The following TRPM1 variants were observed in gnomAD, a reference collection of about 807,000 sequenced individuals.
TRPM1 encodes the protein TRPM1-203 APA Isoform, Intron 10.
A neutral mutation model predicts 149.4 loss-of-function variants in TRPM1; 113 were observed. That is an observed-to-expected ratio of 0.76 (90% CI 0.65 to 0.88). The LOEUF (loss-of-function observed/expected upper bound fraction) is 0.88, where lower values mean the gene tolerates loss of function less well. Among genes scored for constraint, TRPM1 ranks in the 40% least tolerant of loss-of-function variants. The probability of loss-of-function intolerance (pLI) is 0.00; values close to 1 mark genes in which losing one functional copy is unlikely to be tolerated. For synonymous variants in TRPM1, 741 were observed against 759.5 expected (o/e 0.98, Z 0.40); for missense variants, 1,976 against 2,038.7 (o/e 0.97, Z 0.59).
chr15:31,058,608 G>T (rs149797809), intron 11 of TRPM1, among the ~76,000 whole-genome samples: 1 of 152,316 alleles, frequency 6.6e-6, no homozygotes, highest in East Asian at 1.9e-4. Flanking sequence ...ATATGTACAT[G>T]TTCATCATGT....
rs761585763 is a variant in TRPM1, at chr15:31,032,669, C to G, written c.2952+20G>C. On this transcript the variant is annotated intron_variant, in intron 22 of 27. Coordinates refer to ENST00000256552, the MANE Select transcript of TRPM1 (RefSeq NM_001252024.2). The stretch of plus-strand genomic sequence containing the variant: ...TACAGCCAAAGTCTCTCTGGATACC[C>G]ACAGGATGCCACTACTAACCATCTT... 8.7e-6 allele frequency: 14 copies of G among 1,614,046 alleles called. No individual in the cohort carries two copies. The highest frequency in any genetic ancestry group is 1.2e-5 in the Non-Finnish European group (14 of 1,180,028).
intron 1 of TRPM1, among the ~76,000 whole-genome samples, chr15:31,088,652 A>G (rs1329828456): frequency 6.6e-6 from 1 of 152,200 alleles, no homozygotes; most frequent in Non-Finnish European, 1.5e-5. Flanking sequence ...GACATGCCAC[A>G]CTCACGGACT....
intron 23 of TRPM1, 65 bp downstream of exon 23, chr15:31,030,918 A>T: frequency 6.4e-7 from 1 of 1,569,492 alleles, no homozygotes; most frequent in Non-Finnish European, 8.8e-7. Flanking sequence ...TTCTTCCATT[A>T]ATTTGGAACT....
chr15:31,124,271 T>A (rs1190049742), intron 1 of TRPM1, among the ~76,000 whole-genome samples: 1 of 150,914 alleles, frequency 6.6e-6, no homozygotes, highest in South Asian at 2.1e-4. Context: ...GATGACAGAG[T>A]GAGACTCCGT....
At chr15:31,083,115 G>A (rs2034906078) in intron 1 of TRPM1, among the ~76,000 whole-genome samples, 1 of 152,186 alleles carries the variant, frequency 6.6e-6, no homozygotes, top group African/African-American at 2.4e-5. Context: ...GCTTCTGAAT[G>A]TAAGAGCTGG....
intron 22 of TRPM1, among the ~76,000 whole-genome samples, chr15:31,032,296 AAAAC>A (rs1414096668): frequency 6.6e-6 from 1 of 152,148 alleles, no homozygotes; most frequent in Non-Finnish European, 1.5e-5. Context: ...GAAGGAATAA[AAAAC>A]AAACGTAATT....
At chr15:31,047,022 G>T in intron 15 of TRPM1, 89 bp downstream of exon 15, 1 of 1,571,914 alleles carries the variant, frequency 6.4e-7, no homozygotes, top group Non-Finnish European at 8.8e-7. Context: ...GAAGGGCTTG[G>T]CTCTGAACCG....
intron 1 of TRPM1, among the ~76,000 whole-genome samples, chr15:31,151,298 G>A (rs16956588): frequency 0.011 from 1,695 of 152,240 alleles, 34 homozygotes; most frequent in African/African-American, 0.039. Flanking sequence ...CCAACTGGTC[G>A]GAGATTTTTA....
rs565118048 is a variant in TRPM1 at position 31,146,717 on chromosome 15, T to C, written c.54+14189A>G. Among the ~76,000 whole-genome samples the C allele has an allele frequency of 1.1e-3, 175 of 152,362 alleles. 1 individual carries two copies. Among genetic ancestry groups the C allele is most frequent in the African/African-American group, 3.8e-3 (160 of 41,586 alleles). On this transcript the variant is annotated intron_variant, in intron 1 of 26. Transcript: ENST00000542188. ...ATGACCAATTCAAGGCCGGGTGCGG[T>C]GGCTCACGCCTGTATTCCCAGCACT...
chr15:31,027,959 A>G (rs2032863896), intron 25 of TRPM1, among the ~76,000 whole-genome samples: 1 of 152,210 alleles, frequency 6.6e-6, no homozygotes, highest in African/African-American at 2.4e-5. Flanking sequence ...TATTACAGTA[A>G]TTGTAACAGC....
Position 31,042,181 on chromosome 15 carries a change from G to A in TRPM1, c.1857C>T (p.Asp619=), listed in dbSNP as rs1233209049. 4 of 1,613,788 alleles carry A rather than the reference G, an allele frequency of 2.5e-6. No individual in the cohort carries two copies. In the South Asian group the frequency reaches 3.3e-5, roughly 13 times the overall value. ...TCACGGCAGGGTCGTCCACATCAAT[G>A]TCGATCTCTTCCTCCTTTTTCTTCT... ...KKKKKKEEEI[D]IDVDDPAVSR... is the part of the protein sequence containing the mutation. The change falls in exon 17 of 28, where the codon GAC becomes GAT. Residue 619 remains aspartate, a synonymous_variant. Coordinates refer to ENST00000256552, the MANE Select transcript of TRPM1 (RefSeq NM_001252024.2).
chr15:31,075,241 A>G (rs1306926016), intron 3 of TRPM1, among the ~76,000 whole-genome samples: 1 of 152,218 alleles, frequency 6.6e-6, no homozygotes, highest in African/African-American at 2.4e-5. Context: ...TCTTCTGTTT[A>G]GGTGATCTAT....
intron 23 of TRPM1, among the ~76,000 whole-genome samples, chr15:31,029,653 C>G (rs1037910409): frequency 6.6e-6 from 1 of 152,062 alleles, no homozygotes; most frequent in Non-Finnish European, 1.5e-5. Flanking sequence ...GTGTCATAAG[C>G]GAGAGCAAAA....
chr15:31,017,042 C>T (rs565733354), intron 27 of TRPM1, among the ~76,000 whole-genome samples: 20 of 152,060 alleles, frequency 1.3e-4, no homozygotes, highest in African/African-American at 4.3e-4. Flanking sequence ...TGGTGGTTCA[C>T]GCCTGTAATC....
intron 1 of TRPM1, among the ~76,000 whole-genome samples, chr15:31,130,682 T>TGGTAATCA (rs2036005191): frequency 6.6e-6 from 1 of 152,102 alleles, no homozygotes. Flanking sequence ...CCCAGACTGG[T>TGGTAATCA]GGTAATCAGG....
At chr15:31,106,141 CTT>C (rs60137498), upstream of TRPM1, among the ~76,000 whole-genome samples, 9,520 of 139,836 alleles carry the variant, frequency 0.068, 1,007 homozygotes, top group African/African-American at 0.23. Flanking sequence ...TTTTTCTTTT[CTT>C]TTTTTTTTTT....
chr15:31,050,471 C>T lies in TRPM1; in HGVS notation c.1375G>A (p.Gly459Arg), dbSNP rs762766216. The change falls in exon 12 of 28, where the codon GGG (glycine) becomes AGG (arginine). Residue 459 changes from glycine (G) to arginine (R), a missense_variant. Transcript: ENST00000256552. Reference protein sequence around the residue: ...GRGKGKGKKKGKVKEEVEEET... With the variant: ...GRGKGKGKKKRKVKEEVEEET... ...TCCTCCACTTCCTCTTTCACTTTCC[C>T]TTTCTTCTTGCCTTTCCCTTTTCCT... 41 of 1,614,000 alleles carry T rather than the reference C, an allele frequency of 2.5e-5. No individual in the cohort carries two copies. The South Asian group carries it at 4.4e-4, about 17-fold the overall frequency.
intron 27 of TRPM1, among the ~76,000 whole-genome samples, chr15:31,008,700 A>G (rs775472479): frequency 3.9e-5 from 6 of 152,112 alleles, no homozygotes; most frequent in Non-Finnish European, 8.8e-5. Context: ...GTGGGAAGTG[A>G]CCACAGCATT....
chr15:31,104,538 A>G (rs1447504040), upstream of TRPM1, among the ~76,000 whole-genome samples: 1 of 148,238 alleles, frequency 6.7e-6, no homozygotes, highest in Non-Finnish European at 1.5e-5. Flanking sequence ...TTTGGTGATG[A>G]CTGTCTAGGG....
Sources: gnomAD v4.1 joint callset for allele counts (sites outside exome capture counted in the v4.1 genomes callset) on GRCh38, gnomAD v4.1.1 for gene constraint, MANE v1.5 for transcripts, NCBI Gene and HGNC (gene_info 2026-07-23, HGNC 2026-07-21) for gene names.